The following ISM1 variants were observed in gnomAD, a reference collection of about 807,000 sequenced individuals.
ISM1 encodes isthmin 1.
In ISM1, 25 loss-of-function variants were observed where a neutral mutation model predicts 46.3. The observed-to-expected ratio is 0.54, with a 90% CI of 0.39 to 0.75. The LOEUF is 0.75. Ranked by LOEUF, ISM1 falls within the 30% of genes least tolerant of loss-of-function variation. The probability of loss-of-function intolerance (pLI) is 0.00; values close to 1 mark genes in which losing one functional copy is unlikely to be tolerated. For synonymous variants in ISM1, 255 were observed against 256.7 expected, an observed-to-expected ratio of 0.99 and a Z score of 0.06; for missense variants, 536 against 625.4, an observed-to-expected ratio of 0.86 and a Z score of 1.52.
intron 1 of ISM1, among the ~76,000 whole-genome samples, chr20:13,234,280 C>T (rs188684462): frequency 2.2e-4 from 33 of 152,324 alleles, no homozygotes; most frequent in East Asian, 1.2e-3. Flanking sequence ...CATGTTGCTG[C>T]GAGAGACATG....
chr20:13,280,175 G>A lies in ISM1; in HGVS notation c.643+277G>A, dbSNP rs1475728570. Among the ~76,000 whole-genome samples, 8 of 148,630 alleles carry A rather than the reference G, an allele frequency of 5.4e-5. No homozygotes were observed. In the East Asian group the frequency reaches 9.8e-4, roughly 18 times the overall value. On this transcript the variant is annotated intron_variant, in intron 3 of 5. Transcript: ENST00000262487. ...CTTTGGGGTTCTTTCTGCCTCCCCCGCCCCTCAAATTTCAGTTTTATTTCT... is the reference window on the plus strand; with the variant it reads ...CTTTGGGGTTCTTTCTGCCTCCCCCACCCCTCAAATTTCAGTTTTATTTCT...
chr20:13,263,019 C>T (rs111830450), intron 1 of ISM1, among the ~76,000 whole-genome samples: 96 of 152,172 alleles, frequency 6.3e-4, no homozygotes, highest in Non-Finnish European at 1.2e-3. Context: ...TTCTTGAGCC[C>T]ATGATGTACC....
the ISM1 span, among the ~76,000 whole-genome samples, chr20:13,325,633 G>A: frequency 3.3e-5 from 5 of 152,304 alleles, no homozygotes; most frequent in East Asian, 9.7e-4. Context: ...ATTCCTTTCA[G>A]AAGAAAGCCA....
chr20:13,302,734 C>T (rs2040469626), downstream of ISM1, among the ~76,000 whole-genome samples: 1 of 152,152 alleles, frequency 6.6e-6, no homozygotes. Flanking sequence ...TTTTGCCTTC[C>T]CCTGGAAAGA....
At chr20:13,323,701 A>G in the ISM1 span, among the ~76,000 whole-genome samples, 1 of 152,222 alleles carries the variant, frequency 6.6e-6, no homozygotes, top group African/African-American at 2.4e-5. Flanking sequence ...GACTACTCCC[A>G]GAGTTAATTA....
chr20:13,255,353 T>C (rs2039915305), intron 1 of ISM1, among the ~76,000 whole-genome samples: 1 of 152,238 alleles, frequency 6.6e-6, no homozygotes, highest in African/African-American at 2.4e-5. Flanking sequence ...TTTACCCCAT[T>C]GTACAGTTGA....
intron 1 of ISM1, among the ~76,000 whole-genome samples, chr20:13,252,968 C>A (rs2039884604): frequency 6.6e-6 from 1 of 152,296 alleles, no homozygotes; most frequent in East Asian, 1.9e-4. Flanking sequence ...TCTGCCAGAC[C>A]TCTGAGCTAG....
intron 1 of ISM1, among the ~76,000 whole-genome samples, chr20:13,242,751 C>T (rs1285859718): frequency 6.6e-6 from 1 of 152,068 alleles, no homozygotes; most frequent in African/African-American, 2.4e-5. Flanking sequence ...GTAGGAATTA[C>T]TTGAGCCTTG....
chr20:13,230,744 TAGAAAAAAAA>T (rs1001776703), intron 1 of ISM1, among the ~76,000 whole-genome samples: 3 of 148,948 alleles, frequency 2.0e-5, no homozygotes, highest in African/African-American at 5.0e-5. Context: ...GAATGTGTTG[TAGAAAAAAAA>T]AGAAAAGAAA....
intron 1 of ISM1, among the ~76,000 whole-genome samples, chr20:13,241,910 A>G (rs979792476): frequency 6.6e-6 from 1 of 152,100 alleles, no homozygotes; most frequent in Non-Finnish European, 1.5e-5. Flanking sequence ...AGTCAAATAT[A>G]TAAGGAGAAG....
chr20:13,307,934 A>G, the ISM1 span, among the ~76,000 whole-genome samples: 1 of 152,204 alleles, frequency 6.6e-6, no homozygotes, highest in African/African-American at 2.4e-5. Flanking sequence ...ACACATTTCC[A>G]TGGGGAGTGG....
At chr20:13,310,086 AC>A in the ISM1 span, among the ~76,000 whole-genome samples, 2 of 152,240 alleles carry the variant, frequency 1.3e-5, no homozygotes, top group African/African-American at 2.4e-5. Flanking sequence ...AACATAAAAA[AC>A]AATTCCAAAA....
the ISM1 span, among the ~76,000 whole-genome samples, chr20:13,308,139 A>G: frequency 5.3e-5 from 8 of 152,126 alleles, no homozygotes. Context: ...GTTTAACTCA[A>G]TACGTGCATA....
At chr20:13,224,705 CATTCTT>C (rs1362081690) in intron 1 of ISM1, among the ~76,000 whole-genome samples, 1 of 152,120 alleles carries the variant, frequency 6.6e-6, no homozygotes, top group Non-Finnish European at 1.5e-5. Context: ...AAAAGGGACA[CATTCTT>C]ATTTAAGGAT....
At chr20:13,301,821 T>C (rs968598804), downstream of ISM1, among the ~76,000 whole-genome samples, 1 of 151,986 alleles carries the variant, frequency 6.6e-6, no homozygotes, top group East Asian at 1.9e-4. Context: ...AACTGGGTGA[T>C]CAGGAGAGAC....
At chr20:13,267,479 C>T (rs952233496) in intron 1 of ISM1, among the ~76,000 whole-genome samples, 1 of 152,194 alleles carries the variant, frequency 6.6e-6, no homozygotes, top group Admixed American at 6.5e-5. Flanking sequence ...GTAGACACAA[C>T]CCAACCCAAG....
At chr20:13,233,733 C>T (rs1408278318) in intron 1 of ISM1, among the ~76,000 whole-genome samples, 7 of 152,086 alleles carry the variant, frequency 4.6e-5, no homozygotes, top group African/African-American at 7.2e-5. Flanking sequence ...ATAGGATTCT[C>T]ATTATGAGGG....
At chr20:13,277,026 C>A (rs1446982212) in intron 2 of ISM1, among the ~76,000 whole-genome samples, 1 of 152,034 alleles carries the variant, frequency 6.6e-6, no homozygotes, top group Non-Finnish European at 1.5e-5. Context: ...GAAAAATAAA[C>A]CTCTAAGTGT....
At chr20:13,291,983 T>C (rs547399570) in intron 4 of ISM1, among the ~76,000 whole-genome samples, 161 of 152,318 alleles carry the variant, frequency 1.1e-3, no homozygotes, top group African/African-American at 3.5e-3. Flanking sequence ...ACGTGGCTAG[T>C]AATGATTTCA....
Sources: allele counts gnomAD v4.1 joint callset (sites outside exome capture counted in the v4.1 genomes callset), GRCh38; gene constraint gnomAD v4.1.1; transcripts MANE v1.5; gene names NCBI Gene and HGNC (gene_info 2026-07-23, HGNC 2026-07-21).